Variants in ARID1B observed in about 807,000 individuals in gnomAD.
ARID1B encodes AT-rich interaction domain 1B, also known as AT-rich interactive domain-containing protein 1B.
In ARID1B, 30 loss-of-function variants were observed where a neutral mutation model predicts 212.3. The ratio of observed to expected loss-of-function variants is 0.14; its 90% CI spans 0.11 to 0.19. The LOEUF is 0.19. ARID1B is among the 10% of genes least tolerant of loss of function. ARID1B has a pLI of 1.00. For synonymous variants in ARID1B, 1,402 were observed against 1,301.7 expected, an observed-to-expected ratio of 1.08 and a Z score of -1.66; for missense variants, 2,891 against 3,204.0, an observed-to-expected ratio of 0.90 and a Z score of 2.36.
intron 4 of ARID1B, among the ~76,000 whole-genome samples, chr6:157,007,287 T>A (rs1205321902): frequency 6.6e-6 from 1 of 152,200 alleles, no homozygotes; most frequent in East Asian, 1.9e-4. Context: ...ATTCAGGAAT[T>A]TCCCCTAGTT....
intron 2 of ARID1B, among the ~76,000 whole-genome samples, chr6:156,857,732 G>C (rs1265244480): frequency 2.0e-5 from 3 of 152,208 alleles, no homozygotes; most frequent in Admixed American, 2.0e-4. Flanking sequence ...ACAGAGATAT[G>C]TTCCGAGAAA....
intron 1 of ARID1B, among the ~76,000 whole-genome samples, chr6:156,782,808 C>G (rs1486424700): frequency 6.6e-6 from 1 of 152,052 alleles, no homozygotes; most frequent in Non-Finnish European, 1.5e-5. Flanking sequence ...GACTTAGTAA[C>G]TGTGGCTAAT....
At chr6:156,872,373 G>C (rs1189965177) in intron 2 of ARID1B, among the ~76,000 whole-genome samples, 1 of 152,162 alleles carries the variant, frequency 6.6e-6, no homozygotes, top group East Asian at 1.9e-4. Flanking sequence ...CCAGGCTGGA[G>C]TGCAATGGTG....
chr6:156,782,475 G>C (rs77280964), intron 1 of ARID1B, among the ~76,000 whole-genome samples: 1 of 152,062 alleles, frequency 6.6e-6, no homozygotes, highest in Admixed American at 6.5e-5. Flanking sequence ...GTCTACTCAC[G>C]CACATAGGTT....
At chr6:156,889,893 AAG>A (rs1787794378) in intron 2 of ARID1B, among the ~76,000 whole-genome samples, 1 of 152,224 alleles carries the variant, frequency 6.6e-6, no homozygotes, top group Non-Finnish European at 1.5e-5. Context: ...TTCTGTGTAC[AAG>A]AGTTAGGCAA....
chr6:157,074,712 T>A (rs1426421718), intron 4 of ARID1B, among the ~76,000 whole-genome samples: 1 of 152,190 alleles, frequency 6.6e-6, no homozygotes, highest in Non-Finnish European at 1.5e-5. Context: ...GGGAGTCCCA[T>A]GTCTTATTTT....
chr6:157,192,848 T>C (rs1308013676), intron 15 of ARID1B, among the ~76,000 whole-genome samples: 1 of 152,256 alleles, frequency 6.6e-6, no homozygotes, highest in Non-Finnish European at 1.5e-5. Context: ...TAGTTTTCCA[T>C]TCTTCAGTTT....
At chr6:156,987,190 AGAGAGAG>A (rs1453938633) in intron 4 of ARID1B, among the ~76,000 whole-genome samples, 3 of 151,200 alleles carry the variant, frequency 2.0e-5, no homozygotes, top group Non-Finnish European at 4.4e-5. Context: ...AGAGAGAGAG[AGAGAGAG>A]ACCCTGTCTC....
At chr6:156,974,283 A>C (rs1309688446) in intron 4 of ARID1B, among the ~76,000 whole-genome samples, 1 of 152,218 alleles carries the variant, frequency 6.6e-6, no homozygotes, top group East Asian at 1.9e-4. Context: ...AAACCTTGTA[A>C]TAACAAAACC....
intron 2 of ARID1B, among the ~76,000 whole-genome samples, chr6:156,848,668 C>CT (rs1424555711): frequency 3.9e-5 from 6 of 152,180 alleles, no homozygotes; most frequent in Non-Finnish European, 1.5e-5. Context: ...CCTCAGGCCC[C>CT]TTTAAGTTAA....
At chr6:156,890,211 T>C (rs148627340) in intron 2 of ARID1B, among the ~76,000 whole-genome samples, 1 of 152,338 alleles carries the variant, frequency 6.6e-6, no homozygotes, top group East Asian at 1.9e-4. Flanking sequence ...TGACCTACTA[T>C]TCACTTCAGC....
rs374770096 is a variant in ARID1B, at chr6:157,089,435, C to T, written c.2491+4530C>T. On this transcript the variant is annotated intron_variant, in intron 5 of 19. Transcript: ENST00000636930. ...GTGATACACTGGTACAACACTGCCC[C>T]GCCACATCCCTAACTCAGCTGGGCT... Among the ~76,000 whole-genome samples, 16 of 152,278 alleles carry T rather than the reference C, an allele frequency of 1.1e-4. No homozygotes were observed. The South Asian group carries it at 1.9e-3, about 18-fold the overall frequency.
At chr6:156,792,173 C>T (rs889221941) in intron 1 of ARID1B, among the ~76,000 whole-genome samples, 1 of 152,128 alleles carries the variant, frequency 6.6e-6, no homozygotes, top group Non-Finnish European at 1.5e-5. Flanking sequence ...TTTCTCTAAA[C>T]CTACATTTCT....
At chr6:156,896,888 AAAAC>A (rs1459384812) in intron 2 of ARID1B, among the ~76,000 whole-genome samples, 1 of 152,108 alleles carries the variant, frequency 6.6e-6, no homozygotes, top group African/African-American at 2.4e-5. Context: ...AAACAAAACA[AAAAC>A]AAACTTCTTT....
chr6:156,811,677 A>T (rs1781562070), intron 1 of ARID1B, among the ~76,000 whole-genome samples: 1 of 152,162 alleles, frequency 6.6e-6, no homozygotes, highest in African/African-American at 2.4e-5. Context: ...TCTTATAAGG[A>T]CAGCAGTCCT....
intron 4 of ARID1B, among the ~76,000 whole-genome samples, chr6:156,947,536 G>A (rs1793244845): frequency 6.6e-6 from 1 of 151,360 alleles, no homozygotes; most frequent in Non-Finnish European, 1.5e-5. Context: ...TTGTAGAAAT[G>A]GGTTACCACG....
At chr6:156,975,399 A>T (rs1193865405) in intron 4 of ARID1B, among the ~76,000 whole-genome samples, 2 of 152,166 alleles carry the variant, frequency 1.3e-5, no homozygotes, top group Non-Finnish European at 2.9e-5. Flanking sequence ...TTTATCATAT[A>T]TATGATTTGC....
chr6:157,013,699 G>A (rs550379478), intron 4 of ARID1B, among the ~76,000 whole-genome samples: 7 of 152,326 alleles, frequency 4.6e-5, no homozygotes, highest in Admixed American at 1.3e-4. Context: ...TGCCTGCAAC[G>A]CAATCTCATG....
rs186246092 is a variant in ARID1B, at chr6:156,893,608, A to C, written c.1987-7768A>C. 4.6e-5 allele frequency among the ~76,000 whole-genome samples: 7 copies of C among 152,210 alleles called. No individual in the cohort carries two copies. In the East Asian group the frequency reaches 1.4e-3, roughly 29 times the overall value. ...AAAACAAATAACCTAATTAAAAAAA[A>C]TGGCAAAGGACTTGAATAAACATTT... is the stretch of plus-strand genomic sequence containing the variant. On this transcript the variant is annotated intron_variant, in intron 2 of 19. Transcript: ENST00000636930.
Sources: allele counts gnomAD v4.1 joint callset (sites outside exome capture counted in the v4.1 genomes callset), GRCh38; gene constraint gnomAD v4.1.1; transcripts MANE v1.5; gene names NCBI Gene and HGNC (gene_info 2026-07-23, HGNC 2026-07-21).